The following GRID2 variants were observed in gnomAD, a reference collection of about 807,000 sequenced individuals.
GRID2 encodes the protein glutamate receptor ionotropic, delta-2.
In GRID2, 33 loss-of-function variants were observed where a neutral mutation model predicts 114.8. The observed-to-expected ratio is 0.29, with a 90% CI of 0.22 to 0.38. The LOEUF is 0.38. GRID2 is among the 10% of genes least tolerant of loss of function. The probability of loss-of-function intolerance (pLI) is 1.00; values close to 1 mark genes in which losing one functional copy is unlikely to be tolerated. For synonymous variants in GRID2, 505 were observed against 449.9 expected, an observed-to-expected ratio of 1.12 and a Z score of -1.55; for missense variants, 1,184 against 1,257.7, an observed-to-expected ratio of 0.94 and a Z score of 0.89.
intron 4 of GRID2, among the ~76,000 whole-genome samples, chr4:93,171,127 T>C (rs1249734523): frequency 6.6e-6 from 1 of 152,210 alleles, no homozygotes; most frequent in South Asian, 2.1e-4. Flanking sequence ...ATAAAAAGGC[T>C]TTGCAATGAT....
intron 1 of GRID2, among the ~76,000 whole-genome samples, chr4:92,507,844 T>A (rs1328682145): frequency 1.3e-5 from 2 of 151,948 alleles, no homozygotes; most frequent in Non-Finnish European, 2.9e-5. Flanking sequence ...TGTGCTAAAT[T>A]CACACAGCAT....
chr4:93,619,871 T>C (rs1742052676), intron 13 of GRID2, among the ~76,000 whole-genome samples: 1 of 152,228 alleles, frequency 6.6e-6, no homozygotes, highest in Admixed American at 6.5e-5. Context: ...TTTCTTTACG[T>C]AACTGTTGTT....
At chr4:92,472,963 A>G (rs769967948) in intron 1 of GRID2, among the ~76,000 whole-genome samples, 2 of 152,018 alleles carry the variant, frequency 1.3e-5, no homozygotes, top group East Asian at 1.9e-4. Context: ...CGTTGTGTCT[A>G]TAAAATTTTT....
At chr4:93,003,252 G>A (rs2149219426) in intron 2 of GRID2, among the ~76,000 whole-genome samples, 1 of 152,028 alleles carries the variant, frequency 6.6e-6, no homozygotes, top group East Asian at 1.9e-4. Context: ...TCAAAGGGCA[G>A]ATTTTACAGG....
chr4:93,604,633 G>C (rs72670672), intron 13 of GRID2, among the ~76,000 whole-genome samples: 3,594 of 152,204 alleles, frequency 0.024, 61 homozygotes, highest in East Asian at 0.062. Flanking sequence ...GAAATCTTTT[G>C]TGAAAGAAAA....
intron 13 of GRID2, among the ~76,000 whole-genome samples, chr4:93,572,205 T>G (rs1447610276): frequency 1.3e-5 from 2 of 152,144 alleles, no homozygotes; most frequent in East Asian, 3.9e-4. Context: ...TTGAACTATC[T>G]GATACGTCTA....
chr4:93,321,395 CTAGT>C (rs1757198824), intron 8 of GRID2, among the ~76,000 whole-genome samples: 1 of 151,840 alleles, frequency 6.6e-6, no homozygotes, highest in Admixed American at 6.6e-5. Context: ...ATGTTTGAAA[CTAGT>C]TAGCAACTAG....
At chr4:93,438,224 T>C (rs1721288962) in intron 10 of GRID2, among the ~76,000 whole-genome samples, 1 of 151,954 alleles carries the variant, frequency 6.6e-6, no homozygotes, top group African/African-American at 2.4e-5. Flanking sequence ...AAAACAAATG[T>C]GTAGATAAAT....
intron 13 of GRID2, among the ~76,000 whole-genome samples, chr4:93,550,771 C>T (rs972379156): frequency 1.3e-5 from 2 of 152,106 alleles, no homozygotes; most frequent in Non-Finnish European, 2.9e-5. Context: ...TTTTTACCAG[C>T]ACAGAATAGT....
chr4:92,844,229 C>T (rs1001641057), intron 2 of GRID2, among the ~76,000 whole-genome samples: 1 of 151,922 alleles, frequency 6.6e-6, no homozygotes, highest in Non-Finnish European at 1.5e-5. Context: ...ACTAGTTTTT[C>T]TGTCAGTCAT....
chr4:92,397,264 GTC>G (rs1730536180), intron 1 of GRID2, among the ~76,000 whole-genome samples: 1 of 150,828 alleles, frequency 6.6e-6, no homozygotes, highest in Non-Finnish European at 1.5e-5. Flanking sequence ...ATTTTTTTTA[GTC>G]TCTCTGTTAT....
intron 1 of GRID2, among the ~76,000 whole-genome samples, chr4:92,550,847 T>C (rs1726549619): frequency 6.6e-6 from 1 of 152,284 alleles, no homozygotes; most frequent in Non-Finnish European, 1.5e-5. Flanking sequence ...ATGCATCTGA[T>C]TGATATAAAA....
chr4:93,450,069 T>G (rs1722532499), intron 10 of GRID2, among the ~76,000 whole-genome samples: 1 of 151,922 alleles, frequency 6.6e-6, no homozygotes, highest in African/African-American at 2.4e-5. Flanking sequence ...AATCACCTAA[T>G]AAAAATGATA....
intron 1 of GRID2, among the ~76,000 whole-genome samples, chr4:92,510,957 A>G (rs1724216516): frequency 6.6e-6 from 1 of 151,912 alleles, no homozygotes; most frequent in Admixed American, 6.6e-5. Context: ...CAAGTAAATA[A>G]CATACTTAAA....
At chr4:93,395,873 G>A (rs1765283808) in intron 9 of GRID2, among the ~76,000 whole-genome samples, 165 bp downstream of exon 9, 1 of 151,826 alleles carries the variant, frequency 6.6e-6, no homozygotes, top group South Asian at 2.1e-4. Flanking sequence ...CAATTTACGT[G>A]GATCAGGATC....
At chr4:93,474,385 G>T (rs980007528) in intron 11 of GRID2, among the ~76,000 whole-genome samples, 8 of 151,948 alleles carry the variant, frequency 5.3e-5, no homozygotes, top group Non-Finnish European at 1.0e-4. Context: ...CATTATATTG[G>T]TTATGTTTTA....
intron 1 of GRID2, among the ~76,000 whole-genome samples, chr4:92,527,033 T>A (rs995480337): frequency 2.0e-5 from 3 of 151,994 alleles, no homozygotes; most frequent in Admixed American, 6.6e-5. Context: ...GGTGAGTGTT[T>A]GTTAACATCA....
chr4:93,793,454 G>A (rs1297494657), intron 1 of GRID2, among the ~76,000 whole-genome samples: 1 of 152,072 alleles, frequency 6.6e-6, no homozygotes, highest in African/African-American at 2.4e-5. Flanking sequence ...GCCTAAATCT[G>A]TTTTGTTAGG....
intron 1 of GRID2, among the ~76,000 whole-genome samples, chr4:92,564,393 A>G (rs964332557): frequency 6.6e-6 from 1 of 152,042 alleles, no homozygotes; most frequent in African/African-American, 2.4e-5. Context: ...AATGGAGAAG[A>G]AAGACATATA....
Sources: allele counts gnomAD v4.1 joint callset (sites outside exome capture counted in the v4.1 genomes callset), GRCh38; gene constraint gnomAD v4.1.1; transcripts MANE v1.5; gene names NCBI Gene and HGNC (gene_info 2026-07-23, HGNC 2026-07-21).